The following IQCK variants were observed in gnomAD, a reference collection of about 807,000 sequenced individuals.
IQCK encodes IQ motif containing K.
A neutral mutation model predicts 28.1 loss-of-function variants in IQCK; 29 were observed. The ratio of observed to expected loss-of-function variants is 1.03; its 90% CI spans 0.77 to 1.41. The LOEUF is 1.41. Among genes scored for constraint, IQCK ranks in the 40% most tolerant of loss-of-function variants. The pLI, the probability that IQCK is intolerant of heterozygous loss-of-function variation, is 0.00. For missense variants in IQCK, 359 were observed against 314.7 expected (o/e 1.14, Z -1.07); for synonymous variants, 113 against 115.1 (o/e 0.98, Z 0.12).
chr16:19,785,073 A>C (rs927136828), intron 6 of IQCK, among the ~76,000 whole-genome samples: 3 of 152,132 alleles, frequency 2.0e-5, no homozygotes, highest in Non-Finnish European at 4.4e-5. Flanking sequence ...GCCCCGCCTC[A>C]ATAACATTTG....
At chr16:19,747,636 C>T (rs2054929721) in intron 4 of IQCK, among the ~76,000 whole-genome samples, 1 of 152,110 alleles carries the variant, frequency 6.6e-6, no homozygotes, top group African/African-American at 2.4e-5. Flanking sequence ...CATCACCCTC[C>T]TCCCACCCCT....
chr16:19,735,134 G>T (rs1223226179), intron 3 of IQCK, among the ~76,000 whole-genome samples: 1 of 152,086 alleles, frequency 6.6e-6, no homozygotes, highest in Non-Finnish European at 1.5e-5. Flanking sequence ...CCTTATGTAG[G>T]ATACTTCCTA....
intron 1 of IQCK, among the ~76,000 whole-genome samples, chr16:19,727,585 AC>A (rs10609957): frequency 0.33 from 40,422 of 122,638 alleles, 5,784 homozygotes; most frequent in Middle Eastern, 0.47. Context: ...AGACTTTGTC[AC>A]CCCCCCCCCC....
chr16:19,724,615 G>A (rs946624560), intron 1 of IQCK, among the ~76,000 whole-genome samples: 4 of 151,962 alleles, frequency 2.6e-5, no homozygotes, highest in South Asian at 2.1e-4. Context: ...TGCAAGCTCC[G>A]CCTCCTGGAT....
intron 6 of IQCK, among the ~76,000 whole-genome samples, chr16:19,779,927 C>G (rs1032168194): frequency 6.6e-6 from 1 of 151,570 alleles, no homozygotes; most frequent in Non-Finnish European, 1.5e-5. Flanking sequence ...CCATGTTAGC[C>G]AGGATGGTCT....
At chr16:19,799,597 TACACACACACACACACACACACACACAC>T (rs529119301) in intron 7 of IQCK, among the ~76,000 whole-genome samples, 46 of 111,596 alleles carry the variant, frequency 4.1e-4, no homozygotes, top group African/African-American at 2.2e-3. Flanking sequence ...TATATATATA[TACACACACACACACACACACACACACAC>T]ACACACACAC....
chr16:19,830,320 G>A (rs2056214362), downstream of IQCK, among the ~76,000 whole-genome samples: 1 of 152,188 alleles, frequency 6.6e-6, no homozygotes, highest in African/African-American at 2.4e-5. Flanking sequence ...GATTTGATTT[G>A]CAGTTGGTTG....
At chr16:19,753,899 G>C (rs1273863010) in intron 4 of IQCK, among the ~76,000 whole-genome samples, 1 of 151,870 alleles carries the variant, frequency 6.6e-6, no homozygotes, top group African/African-American at 2.4e-5. Flanking sequence ...AAACAGAAGG[G>C]GGACAACAAA....
chr16:19,745,821 G>A (rs965799898), intron 4 of IQCK, among the ~76,000 whole-genome samples: 1 of 137,764 alleles, frequency 7.3e-6, no homozygotes. Context: ...TCTCACTCAT[G>A]TGTCTGGGGC....
exon 3 of IQCK, chr16:19,733,804 C>T (rs368454803): frequency 9.9e-6 from 16 of 1,613,946 alleles, no homozygotes; most frequent in South Asian, 4.4e-5. Flanking sequence ...CAAGATAAAT[C>T]GGAAACAATC....
At chr16:19,757,584 G>A (rs939050036) in intron 4 of IQCK, among the ~76,000 whole-genome samples, 1 of 152,138 alleles carries the variant, frequency 6.6e-6, no homozygotes, top group East Asian at 1.9e-4. Context: ...AGGAGGCTGA[G>A]GCTTGAACCC....
chr16:19,834,849 T>C (rs2056275411), intron 9 of IQCK, among the ~76,000 whole-genome samples: 2 of 152,102 alleles, frequency 1.3e-5, no homozygotes, highest in East Asian at 3.9e-4. Context: ...CTACCATTAG[T>C]TGAGAACCTT....
At chr16:19,793,643 G>GTTTTTTTTTTTTTTT (rs1285541664) in intron 7 of IQCK, among the ~76,000 whole-genome samples, 1 of 61,798 alleles carries the variant, frequency 1.6e-5, no homozygotes. Context: ...TCTCAGTTGG[G>GTTTTTTTTTTTTTTT]TTTTTTTTTT....
At chr16:19,814,220 CAAAAAAAAAAA>C (rs71146272) in intron 7 of IQCK, among the ~76,000 whole-genome samples, 1 of 19,436 alleles carries the variant, frequency 5.1e-5, no homozygotes, top group African/African-American at 1.8e-4. Context: ...AACTCTATCT[CAAAAAAAAAAA>C]AAAAAAAAAA....
chr16:19,761,858 G>A (rs1241353866), intron 4 of IQCK: 1 of 164,808 alleles, frequency 6.1e-6, no homozygotes, highest in Non-Finnish European at 1.3e-5. Flanking sequence ...ACATTTAGAT[G>A]TCCAGAGTAG....
At chr16:19,851,411 A>G (rs548836396) in intron 9 of IQCK, among the ~76,000 whole-genome samples, 2 of 152,128 alleles carry the variant, frequency 1.3e-5, no homozygotes, top group African/African-American at 2.4e-5. Context: ...ACAACATTGT[A>G]TGAGTGGCCG....
At chr16:19,852,399 AC>A (rs1261609268) in intron 9 of IQCK, among the ~76,000 whole-genome samples, 2 of 148,224 alleles carry the variant, frequency 1.3e-5, no homozygotes, top group African/African-American at 4.9e-5. Flanking sequence ...AGACCTCTCT[AC>A]AACATTTAAC....
chr16:19,790,413 A>G (rs943317053), intron 7 of IQCK, among the ~76,000 whole-genome samples: 1 of 98,154 alleles, frequency 1.0e-5, no homozygotes, highest in Non-Finnish European at 1.7e-5. Context: ...ACTTTCCCTG[A>G]ATCTGAGCAT....
chr16:19,718,568 C>T, intron 1 of IQCK, 81 bp downstream of exon 1: 2 of 1,299,406 alleles, frequency 1.5e-6, no homozygotes, highest in Middle Eastern at 2.5e-4. Flanking sequence ...CCACTGTGCG[C>T]CTGTCGGCTG....
Sources: allele counts gnomAD v4.1 joint callset (sites outside exome capture counted in the v4.1 genomes callset), GRCh38; gene constraint gnomAD v4.1.1; transcripts MANE v1.5; gene names NCBI Gene and HGNC (gene_info 2026-07-23, HGNC 2026-07-21).